SLC25A12: variants seen among roughly 807,000 people sequenced by gnomAD.
SLC25A12 encodes solute carrier family 25 member 12.
In SLC25A12, 32 loss-of-function variants were observed where a neutral mutation model predicts 83.3. The ratio of observed to expected loss-of-function variants is 0.38; its 90% CI spans 0.29 to 0.52. The LOEUF (loss-of-function observed/expected upper bound fraction) is 0.52. Ranked by LOEUF, SLC25A12 falls within the 20% of genes least tolerant of loss-of-function variation. The probability of loss-of-function intolerance (pLI) is 0.84; values close to 1 mark genes in which losing one functional copy is unlikely to be tolerated. For missense variants in SLC25A12, 611 were observed against 835.6 expected (o/e 0.73, Z 3.31); for synonymous variants, 267 against 291.1 (o/e 0.92, Z 0.84).
At chr2:171,835,167 T>G (rs1292793376) in intron 6 of SLC25A12, among the ~76,000 whole-genome samples, 4 of 152,212 alleles carry the variant, frequency 2.6e-5, no homozygotes, top group Non-Finnish European at 5.9e-5. Context: ...AATAGTTATT[T>G]AAACAGGATC....
At chr2:171,828,385 T>C (rs770197864) in intron 8 of SLC25A12, among the ~76,000 whole-genome samples, 2 of 152,198 alleles carry the variant, frequency 1.3e-5, no homozygotes, top group Non-Finnish European at 2.9e-5. Flanking sequence ...TATGTCAAAT[T>C]CTCCTAAAGA....
intron 13 of SLC25A12, among the ~76,000 whole-genome samples, chr2:171,795,810 C>G (rs765475944): frequency 2.1e-5 from 3 of 141,740 alleles, no homozygotes; most frequent in Non-Finnish European, 4.5e-5. Context: ...CCTCTTCCTT[C>G]TCTCTTTTAG....
At chr2:171,874,252 C>T (rs183291857) in intron 2 of SLC25A12, among the ~76,000 whole-genome samples, 24 of 149,530 alleles carry the variant, frequency 1.6e-4, no homozygotes, top group Middle Eastern at 3.5e-3. Context: ...ATTAGTTGGG[C>T]GTGGTGGCAG....
At chr2:171,805,352 C>T (rs1683803942) in intron 13 of SLC25A12, among the ~76,000 whole-genome samples, 1 of 152,142 alleles carries the variant, frequency 6.6e-6, no homozygotes, top group African/African-American at 2.4e-5. Context: ...CTCAGGTGAT[C>T]CACTTGCTTC....
chr2:171,857,183 T>A (rs1055840610), intron 3 of SLC25A12, among the ~76,000 whole-genome samples: 1 of 151,306 alleles, frequency 6.6e-6, no homozygotes, highest in Non-Finnish European at 1.5e-5. Context: ...CTGGGCAACA[T>A]AGGGAGACTC....
At chr2:171,812,075 C>T (rs1027149317) in intron 11 of SLC25A12, among the ~76,000 whole-genome samples, 21 of 152,172 alleles carry the variant, frequency 1.4e-4, no homozygotes, top group African/African-American at 4.1e-4. Flanking sequence ...ACATGCTGTA[C>T]AGGTGGAATT....
chr2:171,887,968 T>C (rs1685856209), intron 2 of SLC25A12, among the ~76,000 whole-genome samples: 1 of 152,190 alleles, frequency 6.6e-6, no homozygotes, highest in African/African-American at 2.4e-5. Context: ...CCTATTTCCC[T>C]ATATTCAAAA....
At chr2:171,883,659 T>C (rs1186794557) in intron 2 of SLC25A12, among the ~76,000 whole-genome samples, 1 of 152,234 alleles carries the variant, frequency 6.6e-6, no homozygotes, top group Non-Finnish European at 1.5e-5. Flanking sequence ...ATCTAAGCTT[T>C]GTACGTGTGA....
At chr2:171,791,051 A>ATAAGTAT (rs1683442028) in intron 15 of SLC25A12, among the ~76,000 whole-genome samples, 1 of 152,136 alleles carries the variant, frequency 6.6e-6, no homozygotes, top group Non-Finnish European at 1.5e-5. Context: ...CAGAAGAGAG[A>ATAAGTAT]AAGTAAGAGC....
intron 2 of SLC25A12, among the ~76,000 whole-genome samples, chr2:171,882,835 T>C (rs536621716): frequency 6.6e-6 from 1 of 151,796 alleles, no homozygotes; most frequent in Non-Finnish European, 1.5e-5. Context: ...AAAAAAAAAA[T>C]ATGTATTTTT....
At chr2:171,842,073 T>C (rs1684682218) in intron 5 of SLC25A12, among the ~76,000 whole-genome samples, 1 of 152,210 alleles carries the variant, frequency 6.6e-6, no homozygotes, top group African/African-American at 2.4e-5. Context: ...AATATTTGTA[T>C]ACATATGTTC....
chr2:171,852,497 T>G (rs979976388), intron 4 of SLC25A12, among the ~76,000 whole-genome samples: 2 of 152,254 alleles, frequency 1.3e-5, no homozygotes, highest in African/African-American at 4.8e-5. Context: ...TTCTCTCATG[T>G]GCACAAGAGA....
intron 14 of SLC25A12, among the ~76,000 whole-genome samples, chr2:171,792,771 C>T (rs545217543): frequency 5.9e-5 from 9 of 152,290 alleles, no homozygotes; most frequent in African/African-American, 2.2e-4. Context: ...ACGAAACTCT[C>T]TTGAGACAGG....
chr2:171,874,285 G>C (rs1332043268), intron 2 of SLC25A12, among the ~76,000 whole-genome samples: 2 of 152,076 alleles, frequency 1.3e-5, no homozygotes, highest in African/African-American at 4.8e-5. Context: ...CCAGCTACTC[G>C]GGATGCTGAG....
intron 2 of SLC25A12, among the ~76,000 whole-genome samples, chr2:171,872,541 G>A (rs964782430): frequency 7.2e-5 from 11 of 152,212 alleles, no homozygotes; most frequent in African/African-American, 2.7e-4. Flanking sequence ...AAAACAGAAT[G>A]TAAGGAGACT....
rs1195630531 is a variant in SLC25A12, at chr2:171,783,781, T to C, written c.*1493A>G. On this transcript the variant is annotated 3_prime_UTR_variant, in exon 18 of 18. Coordinates refer to ENST00000422440, the MANE Select transcript of SLC25A12 (RefSeq NM_003705.5). ...TTCCACTCCCATGAGACCAATCTAA[T>C]ACATTTGAAAATAACTTGCTTTCAA... Among the ~76,000 whole-genome samples, 1 of 152,212 alleles carries C rather than the reference T, an allele frequency of 6.6e-6. No homozygotes were observed. The highest frequency in any genetic ancestry group is 1.5e-5 in the Non-Finnish European group (1 of 68,034).
chr2:171,843,194 G>A (rs1209242111), intron 5 of SLC25A12, among the ~76,000 whole-genome samples: 2 of 152,090 alleles, frequency 1.3e-5, no homozygotes, highest in Non-Finnish European at 2.9e-5. Flanking sequence ...AAAGCTCCTG[G>A]AGAGCTCCAA....
intron 9 of SLC25A12, among the ~76,000 whole-genome samples, chr2:171,816,543 C>G (rs139952071): frequency 8.5e-4 from 129 of 151,962 alleles, no homozygotes; most frequent in Middle Eastern, 3.4e-3. Flanking sequence ...AGTTGTTATA[C>G]TGTATTTTTA....
Position 171,874,661 on chromosome 2 carries a change from T to C in SLC25A12, c.67-5838A>G, listed in dbSNP as rs147781928. On this transcript the variant is annotated intron_variant, in intron 2 of 17. Coordinates refer to ENST00000422440, the MANE Select transcript of SLC25A12 (RefSeq NM_003705.5). Reference sequence around the variant, plus strand: ...AAAACACAAACACACAATACAAGCGTTCTGTATGGCATCTACTTCATAGAA... The same window carrying C: ...AAAACACAAACACACAATACAAGCGCTCTGTATGGCATCTACTTCATAGAA... 7.0e-3 allele frequency among the ~76,000 whole-genome samples: 1,066 copies of C among 152,260 alleles called. 10 individuals carry two copies. Among genetic ancestry groups the C allele is most frequent in the African/African-American group, 0.02 (831 of 41,554 alleles).
Sources: allele counts gnomAD v4.1 joint callset (sites outside exome capture counted in the v4.1 genomes callset), GRCh38; gene constraint gnomAD v4.1.1; transcripts MANE v1.5; gene names NCBI Gene and HGNC (gene_info 2026-07-23, HGNC 2026-07-21).